The following SLC24A3 variants were observed in gnomAD, a reference collection of about 807,000 sequenced individuals.
The protein encoded by SLC24A3 is sodium/potassium/calcium exchanger 3.
SLC24A3 carries 28 observed loss-of-function variants against 75.8 expected under a neutral mutation model. The ratio of observed to expected loss-of-function variants is 0.37; its 90% confidence interval spans 0.27 to 0.51. The LOEUF (loss-of-function observed/expected upper bound fraction) is 0.51. Among genes scored for constraint, SLC24A3 ranks in the 20% least tolerant of loss-of-function variants. SLC24A3 has a pLI of 0.94. For missense variants in SLC24A3, 663 were observed against 847.8 expected, an observed-to-expected ratio of 0.78 and a Z score of 2.71; for synonymous variants, 372 against 334.1, an observed-to-expected ratio of 1.11 and a Z score of -1.24.
At chr20:19,456,976 C>T (rs1411592856) in intron 2 of SLC24A3, among the ~76,000 whole-genome samples, 7 of 152,188 alleles carry the variant, frequency 4.6e-5, no homozygotes, top group Non-Finnish European at 8.8e-5. Flanking sequence ...AATATTAGAG[C>T]CTGAGCTTTC....
intron 2 of SLC24A3, among the ~76,000 whole-genome samples, chr20:19,320,077 A>G (rs1387864563): frequency 2.6e-5 from 4 of 152,138 alleles, no homozygotes; most frequent in African/African-American, 9.7e-5. Flanking sequence ...GTTTGCTTGA[A>G]TCTGTTGGCA....
chr20:19,439,715 C>T (rs1600230594), intron 2 of SLC24A3, among the ~76,000 whole-genome samples: 1 of 152,312 alleles, frequency 6.6e-6, no homozygotes, highest in Non-Finnish European at 1.5e-5. Context: ...GTCAGAACAA[C>T]TGATGGTTTG....
At chr20:19,694,433 T>A (rs2032781613) in intron 13 of SLC24A3, 1 of 152,218 alleles carries the variant, frequency 6.6e-6, no homozygotes, top group Non-Finnish European at 1.5e-5. Flanking sequence ...TTTTGCTACA[T>A]GGGTTGCAAA....
At chr20:19,591,611 T>TC (rs1242525272) in intron 6 of SLC24A3, among the ~76,000 whole-genome samples, 3 of 151,746 alleles carry the variant, frequency 2.0e-5, no homozygotes, top group African/African-American at 7.3e-5. Flanking sequence ...TCATTCCCCA[T>TC]CCCCCCATAG....
chr20:19,620,771 G>T (rs1343066255), intron 6 of SLC24A3, among the ~76,000 whole-genome samples: 3 of 151,124 alleles, frequency 2.0e-5, no homozygotes, highest in Non-Finnish European at 4.4e-5. Context: ...AATATCTGTG[G>T]GGCTGGATGA....
chr20:19,488,821 T>A (rs1988165769), intron 2 of SLC24A3, among the ~76,000 whole-genome samples: 1 of 152,202 alleles, frequency 6.6e-6, no homozygotes, highest in Admixed American at 6.5e-5. Flanking sequence ...TTTTATACAA[T>A]TTCTTAATAA....
At chr20:19,262,186 G>A (rs976148374) in intron 1 of SLC24A3, among the ~76,000 whole-genome samples, 6 of 151,946 alleles carry the variant, frequency 3.9e-5, no homozygotes, top group Admixed American at 6.6e-5. Flanking sequence ...GGCGGATCAC[G>A]AGGTCAGGAG....
chr20:19,560,129 C>T (rs2030851714), intron 3 of SLC24A3, among the ~76,000 whole-genome samples: 1 of 151,944 alleles, frequency 6.6e-6, no homozygotes, highest in Admixed American at 6.6e-5. Flanking sequence ...AGGAGTGATC[C>T]CCAGGAGTCA....
intron 2 of SLC24A3, among the ~76,000 whole-genome samples, chr20:19,347,300 A>G (rs570496939): frequency 2.6e-5 from 4 of 152,292 alleles, no homozygotes; most frequent in African/African-American, 9.6e-5. Flanking sequence ...GTAATGATGG[A>G]TACATGACAT....
At chr20:19,496,293 A>T (rs1412570984) in intron 2 of SLC24A3, among the ~76,000 whole-genome samples, 1 of 152,198 alleles carries the variant, frequency 6.6e-6, no homozygotes, top group African/African-American at 2.4e-5. Flanking sequence ...TGGAGTCTCA[A>T]CAGGAAATGT....
intron 6 of SLC24A3, among the ~76,000 whole-genome samples, chr20:19,604,108 C>T (rs115573237): frequency 6.6e-6 from 1 of 152,204 alleles, no homozygotes; most frequent in African/African-American, 2.4e-5. Flanking sequence ...CAGGAAAGGC[C>T]CATGCTCTCA....
chr20:19,275,658 G>T (rs1001197904), intron 1 of SLC24A3, among the ~76,000 whole-genome samples: 1 of 152,148 alleles, frequency 6.6e-6, no homozygotes, highest in Non-Finnish European at 1.5e-5. Flanking sequence ...GGTAGGGGAG[G>T]AGGAGGGAGG....
intron 1 of SLC24A3, among the ~76,000 whole-genome samples, chr20:19,263,216 A>C (rs1453476131): frequency 2.6e-5 from 4 of 152,132 alleles, no homozygotes; most frequent in Non-Finnish European, 5.9e-5. Context: ...CACAGCATTG[A>C]GAAGGGAACA....
rs1984795710 is a variant in SLC24A3, at chr20:19,324,661, T to G, written c.271+43574T>G. On this transcript the variant is annotated intron_variant, in intron 2 of 16. Coordinates refer to ENST00000328041, the MANE Select transcript of SLC24A3 (RefSeq NM_020689.4). ...AATCAAAGGCAATCAAGTTGTTGCT[T>G]CATTAATGACGTTTCCTTAGGCTAT... Among the ~76,000 whole-genome samples the G allele has an allele frequency of 2.0e-5, 3 of 152,330 alleles. No homozygotes were observed. In the East Asian group the frequency reaches 5.8e-4, roughly 29 times the overall value.
intron 14 of SLC24A3, among the ~76,000 whole-genome samples, chr20:19,697,820 G>A (rs767369493): frequency 1.3e-5 from 2 of 152,154 alleles, no homozygotes; most frequent in African/African-American, 2.4e-5. Context: ...GTGTGAGCTC[G>A]GGAGTCACTT....
intron 2 of SLC24A3, among the ~76,000 whole-genome samples, chr20:19,347,964 C>A (rs116589193): frequency 0.014 from 2,143 of 152,312 alleles, 64 homozygotes; most frequent in African/African-American, 0.049. Context: ...CTCTGTGCCT[C>A]GCCCTGCTTC....
At chr20:19,589,663 A>G (rs1483750496) in intron 6 of SLC24A3, among the ~76,000 whole-genome samples, 1 of 152,246 alleles carries the variant, frequency 6.6e-6, no homozygotes, top group African/African-American at 2.4e-5. Flanking sequence ...GTCTAGGGCC[A>G]GGACATCTTG....
intron 2 of SLC24A3, among the ~76,000 whole-genome samples, chr20:19,302,500 T>A (rs73284659): frequency 6.6e-6 from 1 of 152,224 alleles, no homozygotes; most frequent in Non-Finnish European, 1.5e-5. Context: ...TTATATTTGC[T>A]TCTAATCTTT....
chr20:19,286,277 G>C (rs765579815), intron 2 of SLC24A3, among the ~76,000 whole-genome samples: 5 of 152,122 alleles, frequency 3.3e-5, no homozygotes, highest in Admixed American at 6.6e-5. Flanking sequence ...TGCAGTTGAC[G>C]AGGGAAACCG....
Sources: allele counts gnomAD v4.1 joint callset (sites outside exome capture counted in the v4.1 genomes callset), GRCh38; gene constraint gnomAD v4.1.1; transcripts MANE v1.5; gene names NCBI Gene and HGNC (gene_info 2026-07-23, HGNC 2026-07-21).